CELF2: variants seen among roughly 807,000 people sequenced by gnomAD.
CELF2 encodes CUG triplet repeat RNA-binding protein 2.
In CELF2, 8 loss-of-function variants were observed where a neutral mutation model predicts 62.6. The observed-to-expected ratio is 0.13, with a 90% confidence interval of 0.07 to 0.23. CELF2 has a LOEUF of 0.23. Among genes scored for constraint, CELF2 ranks in the 10% least tolerant of loss-of-function variants. CELF2 has a pLI of 1.00. For synonymous variants in CELF2, 258 were observed against 250.0 expected (o/e 1.03, Z -0.30); for missense variants, 333 against 671.0 (o/e 0.50, Z 5.56).
At chr10:10,814,608 A>G (rs1328566223) in intron 1 of CELF2, among the ~76,000 whole-genome samples, 1 of 152,164 alleles carries the variant, frequency 6.6e-6, no homozygotes, top group Non-Finnish European at 1.5e-5. Context: ...TCACTAGAGA[A>G]TGAGAACACT....
At chr10:11,142,321 A>G (rs2061477899) in intron 1 of CELF2, among the ~76,000 whole-genome samples, 1 of 152,162 alleles carries the variant, frequency 6.6e-6, no homozygotes, top group African/African-American at 2.4e-5. Flanking sequence ...ATGGGGGAAA[A>G]TAGGGTAAGA....
chr10:10,743,752 G>A, the CELF2 span, among the ~76,000 whole-genome samples: 1 of 152,152 alleles, frequency 6.6e-6, no homozygotes, highest in Admixed American at 6.5e-5. Flanking sequence ...ACACAGCAAG[G>A]ATGATTACCT....
the CELF2 span, among the ~76,000 whole-genome samples, chr10:10,647,557 C>T: frequency 6.6e-6 from 1 of 152,196 alleles, no homozygotes; most frequent in Non-Finnish European, 1.5e-5. Context: ...GACGACAGAT[C>T]ATTAACAGCA....
At position 11,008,022 on chromosome 10, in the gene CELF2, G is replaced by A. The variant is rs544573951; in HGVS notation, c.53+2582G>A. Reference sequence around the variant, plus strand: ...GGAAGCTGCCCCCATTCTAGCATCCGACATACATATGTCTTTTCCTTTCAC... The same window carrying A: ...GGAAGCTGCCCCCATTCTAGCATCCAACATACATATGTCTTTTCCTTTCAC... On this transcript the variant is annotated intron_variant, in intron 1 of 12. Transcript: ENST00000416382. The surrounding 1 kb of genome is among the most constrained non-coding windows in gnomAD (Gnocchi z 4.5). Among the ~76,000 whole-genome samples the A allele has an allele frequency of 2.0e-5, 3 of 152,198 alleles. No homozygotes were observed. The highest frequency in any genetic ancestry group is 2.1e-4 in the South Asian group (1 of 4,802).
At chr10:11,257,320 G>T (rs2079070304) in intron 4 of CELF2, among the ~76,000 whole-genome samples, 1 of 88,774 alleles carries the variant, frequency 1.1e-5, no homozygotes. Flanking sequence ...TGTCATTCAG[G>T]TTAAAAGACC....
chr10:11,011,170 T>C lies in CELF2; in HGVS notation c.53+5730T>C, dbSNP rs558318300. 6.6e-6 allele frequency: 1 copy of C among 152,140 alleles called. No homozygotes were observed. Among genetic ancestry groups the C allele is most frequent in the East Asian group, 1.9e-4 (1 of 5,174 alleles). 9.4% of individuals were successfully genotyped at this position (152,140 alleles called of 1,614,324 possible). On this transcript the variant is annotated intron_variant, in intron 1 of 12. Coordinates refer to the CELF2 transcript ENST00000416382. The surrounding 1 kb of genome is among the most constrained non-coding windows in gnomAD (Gnocchi z 4.6). ...AGGAACAATAGACAATTTTAAAGCA[T>C]TATGAAATTAAAGTATGAATTTTTA...
the CELF2 span, among the ~76,000 whole-genome samples, chr10:10,618,024 T>G: frequency 6.6e-6 from 1 of 152,022 alleles, no homozygotes; most frequent in Non-Finnish European, 1.5e-5. Context: ...CTTATCAGCT[T>G]AATACTTCTT....
intron 2 of CELF2, among the ~76,000 whole-genome samples, chr10:11,170,799 GATC>G (rs2068625817): frequency 6.6e-6 from 1 of 152,098 alleles, no homozygotes; most frequent in South Asian, 2.1e-4. Flanking sequence ...ATGTGCTTTG[GATC>G]ATCGCTCTCG....
the CELF2 span, among the ~76,000 whole-genome samples, chr10:10,732,643 C>T: frequency 6.6e-6 from 1 of 151,944 alleles, no homozygotes; most frequent in Non-Finnish European, 1.5e-5. Flanking sequence ...CCTGCCTCAG[C>T]CTCCCAAGTA....
At chr10:11,092,206 G>A (rs2048506104) in intron 1 of CELF2, 1 of 152,212 alleles carries the variant, frequency 6.6e-6, no homozygotes, top group Admixed American at 6.5e-5. Context: ...TTATTCATAG[G>A]TGTTACTTAT....
intron 4 of CELF2, among the ~76,000 whole-genome samples, chr10:11,253,706 C>T (rs903983738): frequency 6.6e-6 from 1 of 152,018 alleles, no homozygotes; most frequent in Non-Finnish European, 1.5e-5. Context: ...AAAAGTCACC[C>T]CGTGTATTTA....
intron 2 of CELF2, among the ~76,000 whole-genome samples, chr10:11,196,291 G>C (rs1245420160): frequency 1.3e-5 from 2 of 152,222 alleles, no homozygotes; most frequent in African/African-American, 4.8e-5. Flanking sequence ...CTGCTGTGGT[G>C]GATTGGGTTT....
the CELF2 span, among the ~76,000 whole-genome samples, chr10:10,548,559 G>A: frequency 0.037 from 5,679 of 152,166 alleles, 166 homozygotes; most frequent in Non-Finnish European, 0.055. Flanking sequence ...TATAGGAGTC[G>A]CAGTATTTTA....
In CELF2 at chr10:11,260,637, C is replaced by G. The variant is rs1001367800; in HGVS notation, c.538+2765C>G. The stretch of plus-strand genomic sequence containing the variant: ...TCAGTGGAAAGAGGAGAAAACTTTT[C>G]CCTCCCCATCTGTTTTTTTTTTTTT... On this transcript the variant is annotated intron_variant, in intron 5 of 12. Transcript: ENST00000633077. This position sits in a 1 kb window ranked among gnomAD's most constrained non-coding sequence, Gnocchi z 4.2. Among the ~76,000 whole-genome samples, 3 of 151,362 alleles carry G rather than the reference C, an allele frequency of 2.0e-5. No homozygotes were observed. Among genetic ancestry groups the G allele is most frequent in the Admixed American group, 6.6e-5 (1 of 15,226 alleles).
chr10:11,174,711 G>A (rs1408807455), intron 2 of CELF2, among the ~76,000 whole-genome samples: 7 of 152,176 alleles, frequency 4.6e-5, no homozygotes, highest in Admixed American at 2.0e-4. Flanking sequence ...AGCTTTACCC[G>A]CATGTGGGTC....
At chr10:10,966,618 C>A (rs1262581767) in intron 2 of CELF2, 1 of 152,196 alleles carries the variant, frequency 6.6e-6, no homozygotes, top group African/African-American at 2.4e-5. Context: ...ATTCTCCTTC[C>A]TTTCTGGAGG....
chr10:11,244,017 C>T lies in CELF2; in HGVS notation c.355-5136C>T, dbSNP rs1181317060. Reference sequence around the variant, plus strand: ...ACATCACCTGGGCCCTCCCCCGTCTCCTGCTGTCTACTGGGACCTGCAGGC... The same window carrying T: ...ACATCACCTGGGCCCTCCCCCGTCTTCTGCTGTCTACTGGGACCTGCAGGC... On this transcript the variant is annotated intron_variant, in intron 3 of 12. Transcript: ENST00000633077. The surrounding 1 kb of genome is among the most constrained non-coding windows in gnomAD (Gnocchi z 4.2). Among the ~76,000 whole-genome samples, 3 of 152,210 alleles carry T rather than the reference C, an allele frequency of 2.0e-5. No individual in the cohort carries two copies. The highest frequency in any genetic ancestry group is 7.2e-5 in the African/African-American group (3 of 41,452).
In CELF2 at chr10:11,302,016, C is replaced by A. The variant is rs191296393; in HGVS notation, c.977-12123C>A. Among the ~76,000 whole-genome samples the A allele has an allele frequency of 6.6e-6, 1 of 152,180 alleles. No individual in the cohort carries two copies. On this transcript the variant is annotated intron_variant, in intron 9 of 12. Transcript: ENST00000633077. The surrounding 1 kb of genome is among the most constrained non-coding windows in gnomAD (Gnocchi z 5.0). ...GCTCAGCAGATGCCAGCTCAGTGCC[C>A]GCTGCACCAGTGATTCTCATAGTTT...
intron 1 of CELF2, among the ~76,000 whole-genome samples, chr10:11,078,545 T>C (rs1033333450): frequency 6.6e-6 from 1 of 152,220 alleles, no homozygotes; most frequent in African/African-American, 2.4e-5. Flanking sequence ...ACCTTGTTCA[T>C]TTCCAAATCC....
Sources: allele counts gnomAD v4.1 joint callset (sites outside exome capture counted in the v4.1 genomes callset), GRCh38; gene constraint gnomAD v4.1.1; non-coding constraint Gnocchi (gnomAD v3.1); transcripts MANE v1.5; gene names NCBI Gene and HGNC (gene_info 2026-07-23, HGNC 2026-07-21).